Variants in FGD6 observed in about 807,000 individuals in gnomAD.
The protein encoded by FGD6 is FYVE, RhoGEF and PH domain-containing protein 6.
Under a neutral mutation model 149.4 loss-of-function variants are expected in FGD6, and 90 were observed. The ratio of observed to expected loss-of-function variants is 0.60; its 90% confidence interval spans 0.51 to 0.72. The LOEUF (loss-of-function observed/expected upper bound fraction) is 0.72, where lower values mean the gene tolerates loss of function less well. Among genes scored for constraint, FGD6 ranks in the 30% least tolerant of loss-of-function variants. The pLI is 0.00. For synonymous variants in FGD6, 527 were observed against 584.0 expected (o/e 0.90, Z 1.41); for missense variants, 1,437 against 1,684.8 (o/e 0.85, Z 2.57).
chr12:95,176,325 C>T (rs921917724), intron 2 of FGD6, among the ~76,000 whole-genome samples: 2 of 152,130 alleles, frequency 1.3e-5, no homozygotes, highest in South Asian at 4.1e-4. Context: ...TCCCACTGTC[C>T]GAATGATAAC....
At chr12:95,120,801 C>T (rs765933386) in intron 8 of FGD6, among the ~76,000 whole-genome samples, 5 of 152,106 alleles carry the variant, frequency 3.3e-5, no homozygotes, top group Non-Finnish European at 7.4e-5. Context: ...ATGAGAATAA[C>T]AGTTTCAGTA....
chr12:95,158,411 C>G (rs7134064), intron 3 of FGD6, among the ~76,000 whole-genome samples: 132,514 of 151,152 alleles, frequency 0.88, 58,413 homozygotes, highest in African/African-American at 0.96. Context: ...TCCTGGCCTT[C>G]TGATCTGCCT....
chr12:95,122,954 T>C (rs1879234350), intron 8 of FGD6, among the ~76,000 whole-genome samples: 2 of 151,208 alleles, frequency 1.3e-5, no homozygotes, highest in Admixed American at 6.6e-5. Context: ...TGGTGGTGCA[T>C]GCCTCCAGTC....
intron 2 of FGD6, among the ~76,000 whole-genome samples, chr12:95,177,999 C>G (rs1169127208): frequency 1.3e-5 from 2 of 151,854 alleles, no homozygotes; most frequent in Non-Finnish European, 2.9e-5. Context: ...CTCCTGGCCT[C>G]AAATGAACCT....
chr12:95,164,437 C>CT (rs553775842), intron 3 of FGD6, among the ~76,000 whole-genome samples: 4,628 of 145,598 alleles, frequency 0.032, 141 homozygotes, highest in Middle Eastern at 0.1. Flanking sequence ...TTATCCATTC[C>CT]TTTTTTTTTT....
At chr12:95,104,498 G>A (rs1460307165) in intron 14 of FGD6, among the ~76,000 whole-genome samples, 2 of 151,678 alleles carry the variant, frequency 1.3e-5, no homozygotes, top group Non-Finnish European at 2.9e-5. Context: ...GTGCAGTGGT[G>A]GGATCTTCGC....
In FGD6 at chr12:95,208,962, C is replaced by T; in HGVS notation, c.2322G>A (p.Glu774=). The T allele has an allele frequency of 6.2e-7, 1 of 1,614,146 alleles. No individual in the cohort carries two copies. Among genetic ancestry groups the T allele is most frequent in the Non-Finnish European group, 8.5e-7 (1 of 1,180,026 alleles). Residue 774 remains glutamate (E), a synonymous_variant, in exon 2 of 21, where the codon GAG becomes GAA. Coordinates refer to ENST00000343958, the MANE Select transcript of FGD6 (RefSeq NM_018351.4). ...TGCTGCTGGAATTCTGCCATTCCAACTCTTGAGTTTTCCGTATAGCCATAA... is the reference window on the plus strand; with the variant it reads ...TGCTGCTGGAATTCTGCCATTCCAATTCTTGAGTTTTCCGTATAGCCATAA... ...PFIMAIRKTQ[E]LEWQNSSSME...
chr12:95,191,658 A>C (rs1028237814), intron 2 of FGD6, among the ~76,000 whole-genome samples: 6 of 152,218 alleles, frequency 3.9e-5, no homozygotes, highest in African/African-American at 1.4e-4. Flanking sequence ...CCCCACAGAG[A>C]CCAAACTCCA....
At chr12:95,093,987 C>G (rs1216082551) in intron 15 of FGD6, among the ~76,000 whole-genome samples, 1 of 150,818 alleles carries the variant, frequency 6.6e-6, no homozygotes. Flanking sequence ...TGGTGAAACC[C>G]CATCTGTACT....
intron 7 of FGD6, among the ~76,000 whole-genome samples, chr12:95,135,128 A>T (rs1264636832): frequency 6.6e-6 from 1 of 152,186 alleles, no homozygotes; most frequent in Non-Finnish European, 1.5e-5. Flanking sequence ...GGCTAGTTAG[A>T]GCCCACCCTA....
intron 8 of FGD6, among the ~76,000 whole-genome samples, chr12:95,130,743 G>A (rs2136255228): frequency 6.6e-6 from 1 of 152,098 alleles, no homozygotes; most frequent in Non-Finnish European, 1.5e-5. Flanking sequence ...AAATCTCAGT[G>A]CCTAGACAGC....
intron 17 of FGD6, among the ~76,000 whole-genome samples, chr12:95,090,738 C>T (rs536070971): frequency 6.6e-6 from 1 of 152,254 alleles, no homozygotes; most frequent in African/African-American, 2.4e-5. Flanking sequence ...CCATGTCATC[C>T]ACTTAGAAAT....
chr12:95,086,776 G>C (rs1459472847), intron 18 of FGD6, among the ~76,000 whole-genome samples: 2 of 147,776 alleles, frequency 1.4e-5, no homozygotes, highest in African/African-American at 5.0e-5. Context: ...TCCATCTCCC[G>C]ACCTTGTGAT....
At chr12:95,125,220 T>G (rs1396750459) in intron 8 of FGD6, among the ~76,000 whole-genome samples, 1 of 152,182 alleles carries the variant, frequency 6.6e-6, no homozygotes, top group African/African-American at 2.4e-5. Flanking sequence ...ATTTAAAAGC[T>G]CTAAGCTAAT....
intron 8 of FGD6, among the ~76,000 whole-genome samples, chr12:95,116,107 TTA>T (rs1479262647): frequency 6.6e-6 from 1 of 152,122 alleles, no homozygotes; most frequent in African/African-American, 2.4e-5. Flanking sequence ...AATACATAAG[TTA>T]TATGTTACAC....
chr12:95,174,927 C>CAAAAAAAAAAAAA (rs10687970), intron 2 of FGD6, among the ~76,000 whole-genome samples: 2 of 84,678 alleles, frequency 2.4e-5, no homozygotes, highest in African/African-American at 5.3e-5. Flanking sequence ...ACTCCATCTC[C>CAAAAAAAAAAAAA]AAAAAAAAAA....
intron 6 of FGD6, 136 bp downstream of exon 6, chr12:95,141,252 A>G (rs1363815082): frequency 3.2e-6 from 3 of 941,696 alleles, no homozygotes; most frequent in Non-Finnish European, 4.6e-6. Context: ...AACAAAATCA[A>G]TCTATGGATA....
rs35515272 is a variant in FGD6, at chr12:95,199,614, C to CTTT, written c.2441+9226_2441+9228dup. ...AAAAATTAAGTAGTGGAAAAGCTAC[C>CTTT]TTTTTTTTTTTTTTTTTTGAGATGG... On this transcript the variant is annotated intron_variant, in intron 2 of 20. Coordinates refer to ENST00000343958, the MANE Select transcript of FGD6 (RefSeq NM_018351.4). Among the ~76,000 whole-genome samples the CTTT allele has an allele frequency of 6.3e-3, 810 of 128,672 alleles. 23 individuals carry two copies. Among genetic ancestry groups the CTTT allele is most frequent in the African/African-American group, 0.019 (658 of 33,850 alleles). The allele number at this position is 128,672 out of a possible 152,430, so 84.4% of individuals were successfully genotyped here. A position where few individuals can be genotyped will look rare whatever the true frequency, so the allele number is the denominator to read the frequency against.
At chr12:95,081,920 C>T (rs959406314) in intron 20 of FGD6, among the ~76,000 whole-genome samples, 3 of 152,048 alleles carry the variant, frequency 2.0e-5, no homozygotes, top group Non-Finnish European at 4.4e-5. Flanking sequence ...GATCGGCCTG[C>T]CTCGGCCTCC....
Sources: allele counts gnomAD v4.1 joint callset (sites outside exome capture counted in the v4.1 genomes callset), GRCh38; gene constraint gnomAD v4.1.1; transcripts MANE v1.5; gene names NCBI Gene and HGNC (gene_info 2026-07-23, HGNC 2026-07-21).